The following MYLK4 variants were observed in gnomAD, a reference collection of about 807,000 sequenced individuals.
The protein encoded by MYLK4 is myosin light chain kinase family member 4.
In MYLK4, 46 loss-of-function variants were observed where a neutral mutation model predicts 48.1. That is an observed-to-expected ratio of 0.96 (90% CI 0.75 to 1.22). The LOEUF is 1.22. Among genes scored for constraint, MYLK4 ranks in the 50% most tolerant of loss-of-function variants. MYLK4 has a pLI of 0.00. For missense variants in MYLK4, 451 were observed against 486.1 expected (o/e 0.93, Z 0.68); for synonymous variants, 170 against 180.8 (o/e 0.94, Z 0.48).
At chr6:2,760,202 A>T in the MYLK4 span, among the ~76,000 whole-genome samples, 1 of 152,236 alleles carries the variant, frequency 6.6e-6, no homozygotes, top group Non-Finnish European at 1.5e-5. Context: ...TAGCATTTAC[A>T]TTGTATTAGG....
In MYLK4 at chr6:2,664,260, G is replaced by A. The variant is rs527449311; in HGVS notation, c.*3665C>T. 2.6e-5 allele frequency: 4 copies of A among 152,372 alleles called. No individual in the cohort carries two copies. The highest frequency in any genetic ancestry group is 9.6e-5 in the African/African-American group (4 of 41,588). 9.4% of individuals were successfully genotyped at this position (152,372 alleles called of 1,614,324 possible). A position where few individuals can be genotyped will look rare whatever the true frequency, so the allele number is the denominator to read the frequency against. ...GAAAGAAGTAAAAAAATGTAAAAGA[G>A]AGTGCAAAAGCAAAGGCGAAGCTTT... On this transcript the variant is annotated 3_prime_UTR_variant, in exon 13 of 13. Transcript: ENST00000274643.
chr6:2,756,653 C>T, the MYLK4 span, among the ~76,000 whole-genome samples: 4 of 152,198 alleles, frequency 2.6e-5, no homozygotes, highest in African/African-American at 9.7e-5. Context: ...TCCGCCCTTT[C>T]CCTATACCAC....
At chr6:2,693,813 A>C (rs1218672765) in intron 2 of MYLK4, among the ~76,000 whole-genome samples, 3 of 147,074 alleles carry the variant, frequency 2.0e-5, no homozygotes, top group African/African-American at 7.6e-5. Context: ...GCTGGAGTGC[A>C]ATGGCGCAAT....
chr6:2,766,030 G>A, the MYLK4 span: 2 of 1,317,630 alleles, frequency 1.5e-6, no homozygotes, highest in Non-Finnish European at 1.9e-6. Flanking sequence ...GCCCCGGGAG[G>A]AAGGGGTCGG....
chr6:2,737,984 G>GT (rs1763751892), intron 2 of MYLK4, among the ~76,000 whole-genome samples: 1 of 111,204 alleles, frequency 9.0e-6, no homozygotes, highest in Non-Finnish European at 1.9e-5. Flanking sequence ...GGGCGGGTGG[G>GT]GGGGGGGTGG....
chr6:2,670,549 T>C (rs1468563835), intron 12 of MYLK4, among the ~76,000 whole-genome samples: 5 of 152,200 alleles, frequency 3.3e-5, no homozygotes, highest in Admixed American at 3.3e-4. Context: ...TGGGTTTTCT[T>C]AGAGTCCTTC....
chr6:2,765,808 G>C, the MYLK4 span: 8 of 1,367,584 alleles, frequency 5.8e-6, no homozygotes, highest in Non-Finnish European at 7.5e-6. Flanking sequence ...AGCGGGCCAA[G>C]GGGCCCTCGC....
In MYLK4 at chr6:2,749,066, G is replaced by A. The variant is rs192846341; in HGVS notation, c.159+70C>T. On this transcript the variant is annotated intron_variant, in intron 2 of 12. Transcript: ENST00000274643. ...ACTTTCCTTAATTGTACTCACAAGCGGCTCCATGACATTAGAAAAGATAAG... is the reference window on the plus strand; with the variant it reads ...ACTTTCCTTAATTGTACTCACAAGCAGCTCCATGACATTAGAAAAGATAAG... 1,669 of 1,409,508 alleles carry A rather than the reference G, an allele frequency of 1.2e-3. 22 individuals are homozygous for A. Among genetic ancestry groups the A allele is most frequent in the Middle Eastern group, 9.0e-3 (49 of 5,426 alleles). 87.3% of individuals were successfully genotyped at this position (1,409,508 alleles called of 1,614,324 possible). A position where few individuals can be genotyped will look rare whatever the true frequency, so the allele number is the denominator to read the frequency against.
the MYLK4 span, chr6:2,765,866 C>T: frequency 6.9e-7 from 1 of 1,442,810 alleles, no homozygotes; most frequent in South Asian, 1.4e-5. Flanking sequence ...GGCGCTGAAG[C>T]AGCCAGCCAC....
chr6:2,674,982 A>G, intron 11 of MYLK4, 65 bp downstream of exon 11: 1 of 1,086,704 alleles, frequency 9.2e-7, no homozygotes, highest in Admixed American at 1.7e-5. Flanking sequence ...AGATGACTCC[A>G]GCATCTGATC....
At chr6:2,753,037 T>C (rs1340260734), upstream of MYLK4, among the ~76,000 whole-genome samples, 1 of 152,234 alleles carries the variant, frequency 6.6e-6, no homozygotes, top group Non-Finnish European at 1.5e-5. Flanking sequence ...TGCTTAAAGA[T>C]GCTCTTATAC....
At chr6:2,682,868 C>T (rs771001317) in intron 7 of MYLK4, among the ~76,000 whole-genome samples, 153 bp downstream of exon 7, 5 of 152,108 alleles carry the variant, frequency 3.3e-5, no homozygotes, top group Non-Finnish European at 7.3e-5. Flanking sequence ...GTGACAGAAG[C>T]TGAGAATAAG....
At chr6:2,767,289 C>A in the MYLK4 span, among the ~76,000 whole-genome samples, 1 of 152,180 alleles carries the variant, frequency 6.6e-6, no homozygotes, top group African/African-American at 2.4e-5. Context: ...ATACAGGATG[C>A]TTTTATCCAT....
At chr6:2,765,713 C>T in the MYLK4 span, 4 of 1,544,154 alleles carry the variant, frequency 2.6e-6, no homozygotes, top group South Asian at 1.2e-5. Context: ...GCCCGCCGCG[C>T]ACATCAACTC....
intron 7 of MYLK4, chr6:2,680,658 C>T: frequency 1.3e-6 from 1 of 790,442 alleles, no homozygotes. Context: ...TATGAATTTC[C>T]CCTTCTTGGA....
At chr6:2,765,959 G>T in the MYLK4 span, 1 of 1,428,408 alleles carries the variant, frequency 7.0e-7, no homozygotes. Context: ...GAGCTACGAC[G>T]CGCCGCCCAC....
At chr6:2,723,697 T>C (rs777081834) in intron 2 of MYLK4, among the ~76,000 whole-genome samples, 1 of 152,216 alleles carries the variant, frequency 6.6e-6, no homozygotes, top group Non-Finnish European at 1.5e-5. Context: ...GGTCGGGCTG[T>C]GGGTAGCTCT....
intron 11 of MYLK4, among the ~76,000 whole-genome samples, chr6:2,674,716 A>G (rs1042111495): frequency 1.3e-5 from 2 of 152,040 alleles, no homozygotes; most frequent in African/African-American, 4.8e-5. Flanking sequence ...CACTAAAACT[A>G]CAAAATTAGC....
At chr6:2,756,630 C>T in the MYLK4 span, among the ~76,000 whole-genome samples, 1 of 152,164 alleles carries the variant, frequency 6.6e-6, no homozygotes, top group Non-Finnish European at 1.5e-5. Context: ...CAAACCAACA[C>T]CATAGGATTA....
Sources: allele counts gnomAD v4.1 joint callset (sites outside exome capture counted in the v4.1 genomes callset), GRCh38; gene constraint gnomAD v4.1.1; transcripts MANE v1.5; gene names NCBI Gene and HGNC (gene_info 2026-07-23, HGNC 2026-07-21).